The following FSTL5 variants were observed in gnomAD, a reference collection of about 807,000 sequenced individuals.
The protein encoded by FSTL5 is follistatin-related protein 5.
A neutral mutation model predicts 89.1 loss-of-function variants in FSTL5; 62 were observed. That is an observed-to-expected ratio of 0.70 (90% CI 0.57 to 0.86). The LOEUF (loss-of-function observed/expected upper bound fraction) is 0.86, where lower values mean the gene tolerates loss of function less well. FSTL5 is among the 40% of genes least tolerant of loss of function. The pLI is 0.00. For synonymous variants in FSTL5, 383 were observed against 346.2 expected, an observed-to-expected ratio of 1.11 and a Z score of -1.18; for missense variants, 1,057 against 1,001.6, an observed-to-expected ratio of 1.06 and a Z score of -0.75.
chr4:161,456,946 C>G (rs188828978), intron 14 of FSTL5, among the ~76,000 whole-genome samples: 16 of 152,222 alleles, frequency 1.1e-4, no homozygotes, highest in Middle Eastern at 3.4e-3. Context: ...TCTCTCCAGA[C>G]AGAGGATAGG....
intron 15 of FSTL5, among the ~76,000 whole-genome samples, chr4:161,450,806 G>A (rs1039125087): frequency 6.9e-6 from 1 of 145,564 alleles, no homozygotes; most frequent in African/African-American, 2.6e-5. Context: ...GCAGTGGCAC[G>A]ATCTCGGCTT....
At chr4:161,842,159 G>C (rs769967821) in intron 4 of FSTL5, among the ~76,000 whole-genome samples, 4 of 152,108 alleles carry the variant, frequency 2.6e-5, no homozygotes, top group Admixed American at 6.6e-5. Context: ...GAACCTTTCC[G>C]TGTGTAATTA....
At chr4:162,000,201 C>A (rs1736418733) in intron 3 of FSTL5, among the ~76,000 whole-genome samples, 1 of 152,140 alleles carries the variant, frequency 6.6e-6, no homozygotes, top group Non-Finnish European at 1.5e-5. Flanking sequence ...TCTAAAATTG[C>A]AGATTGAATA....
At chr4:161,448,478 G>C (rs1188658231) in intron 15 of FSTL5, among the ~76,000 whole-genome samples, 2 of 152,064 alleles carry the variant, frequency 1.3e-5, no homozygotes, top group Non-Finnish European at 2.9e-5. Flanking sequence ...TAACGGATTT[G>C]ATAAAATATG....
Position 161,543,662 on chromosome 4 carries a change from T to C in FSTL5, c.1016-969A>G, listed in dbSNP as rs565383868. Reference sequence around the variant, plus strand: ...TGCAGAAATAAACATACATTGATGGTCATTTTTTTTCCCAATTATTCTGGG... The same window carrying C: ...TGCAGAAATAAACATACATTGATGGCCATTTTTTTTCCCAATTATTCTGGG... On this transcript the variant is annotated intron_variant, in intron 8 of 15. Coordinates refer to ENST00000306100, the MANE Select transcript of FSTL5 (RefSeq NM_020116.5). Among the ~76,000 whole-genome samples, 3 of 152,164 alleles carry C rather than the reference T, an allele frequency of 2.0e-5. No homozygotes were observed. In the East Asian group the frequency reaches 5.8e-4, roughly 29 times the overall value.
intron 5 of FSTL5, among the ~76,000 whole-genome samples, chr4:161,767,413 C>A (rs1741051186): frequency 6.6e-6 from 1 of 152,244 alleles, no homozygotes; most frequent in South Asian, 2.1e-4. Flanking sequence ...TTTGTCGAGG[C>A]TTTTCAGGGA....
intron 8 of FSTL5, among the ~76,000 whole-genome samples, chr4:161,544,558 G>A (rs945023041): frequency 3.3e-5 from 5 of 151,904 alleles, no homozygotes; most frequent in African/African-American, 1.2e-4. Flanking sequence ...AGATAGTGGT[G>A]ATGGTTACAC....
chr4:161,453,367 ATATT>A (rs1733239176), intron 15 of FSTL5, among the ~76,000 whole-genome samples: 1 of 152,136 alleles, frequency 6.6e-6, no homozygotes, highest in South Asian at 2.1e-4. Context: ...TAACAAAAGA[ATATT>A]TATTAGTCAT....
intron 10 of FSTL5, among the ~76,000 whole-genome samples, chr4:161,528,371 C>A (rs1397645866): frequency 7.0e-6 from 1 of 143,016 alleles, no homozygotes; most frequent in Non-Finnish European, 1.5e-5. Context: ...ATAAAATGCA[C>A]ATATAGTTGG....
chr4:161,476,189 G>GTTTT lies in FSTL5; in HGVS notation c.1608+4830_1608+4831insAAAA, dbSNP rs1241724019. Reference sequence around the variant, plus strand: ...AGTTTGCTGGTTTTTTTTTTTTTTTGTTTGTTTGTTTTTTTGAGAAAGAGT... The same window carrying GTTTT: ...AGTTTGCTGGTTTTTTTTTTTTTTTGTTTTTTTGTTTGTTTTTTTGAGAAAGAGT... On this transcript the variant is annotated intron_variant, in intron 13 of 15. Coordinates refer to ENST00000306100, the MANE Select transcript of FSTL5 (RefSeq NM_020116.5). Among the ~76,000 whole-genome samples the GTTTT allele has an allele frequency of 1.7e-3, 187 of 106,900 alleles. 11 individuals are homozygous for GTTTT. Among genetic ancestry groups the GTTTT allele is most frequent in the African/African-American group, 6.8e-3 (181 of 26,626 alleles). The allele number at this position is 106,900 out of a possible 152,430, so 70.1% of individuals were successfully genotyped here.
chr4:162,093,149 G>A (rs1730615346), intron 2 of FSTL5, among the ~76,000 whole-genome samples: 1 of 152,050 alleles, frequency 6.6e-6, no homozygotes, highest in African/African-American at 2.4e-5. Context: ...AGATAAACTA[G>A]AATGGCAAAT....
At chr4:161,734,341 G>A (rs902086706) in intron 6 of FSTL5, among the ~76,000 whole-genome samples, 8 of 152,230 alleles carry the variant, frequency 5.3e-5, no homozygotes, top group East Asian at 1.9e-4. Flanking sequence ...ATTGAGACAC[G>A]TAAAATATAC....
chr4:161,534,559 C>T (rs1461994879), intron 10 of FSTL5, among the ~76,000 whole-genome samples: 1 of 152,040 alleles, frequency 6.6e-6, no homozygotes, highest in Non-Finnish European at 1.5e-5. Context: ...CAAAACACTG[C>T]TGAAAGAAAT....
intron 4 of FSTL5, among the ~76,000 whole-genome samples, chr4:161,819,424 C>G (rs1041071495): frequency 1.3e-5 from 2 of 151,928 alleles, no homozygotes; most frequent in Non-Finnish European, 2.9e-5. Flanking sequence ...TGTCATGTAA[C>G]TTACATAAAT....
chr4:161,837,308 A>T (rs1221548175), intron 4 of FSTL5, among the ~76,000 whole-genome samples: 2 of 152,156 alleles, frequency 1.3e-5, no homozygotes, highest in African/African-American at 4.8e-5. Context: ...GAGTCCATGA[A>T]ATTGACTAAC....
intron 8 of FSTL5, among the ~76,000 whole-genome samples, chr4:161,565,224 TATC>T (rs59471047): frequency 2.0e-5 from 3 of 150,306 alleles, no homozygotes; most frequent in South Asian, 2.1e-4. Context: ...ATATCTTGCC[TATC>T]ATCATCATCA....
chr4:161,639,117 C>G (rs1225760384), intron 7 of FSTL5, among the ~76,000 whole-genome samples: 1 of 152,066 alleles, frequency 6.6e-6, no homozygotes, highest in Non-Finnish European at 1.5e-5. Flanking sequence ...CTCACCACTT[C>G]TATTCAACAT....
intron 10 of FSTL5, among the ~76,000 whole-genome samples, chr4:161,527,596 T>C (rs1731269578): frequency 6.6e-6 from 1 of 152,020 alleles, no homozygotes; most frequent in Non-Finnish European, 1.5e-5. Context: ...CACAATGAGA[T>C]ACCATCTCAC....
At chr4:161,975,235 C>T (rs1735599178) in intron 3 of FSTL5, among the ~76,000 whole-genome samples, 1 of 142,094 alleles carries the variant, frequency 7.0e-6, no homozygotes, top group Non-Finnish European at 1.5e-5. Flanking sequence ...CCATTTGACC[C>T]AGCCATCCCA....
Sources: gnomAD v4.1 joint callset for allele counts (sites outside exome capture counted in the v4.1 genomes callset) on GRCh38, gnomAD v4.1.1 for gene constraint, MANE v1.5 for transcripts, NCBI Gene and HGNC (gene_info 2026-07-23, HGNC 2026-07-21) for gene names.